SYNE2: variants seen among roughly 807,000 people sequenced by gnomAD.
SYNE2 encodes the protein spectrin repeat containing nuclear envelope protein 2.
In SYNE2, 431 loss-of-function variants were observed where a neutral mutation model predicts 856.3. The ratio of observed to expected loss-of-function variants is 0.50; its 90% CI spans 0.47 to 0.55. SYNE2 has a LOEUF of 0.55. SYNE2 is among the 20% of genes least tolerant of loss of function. The pLI, the probability that SYNE2 is intolerant of heterozygous loss-of-function variation, is 0.00. For missense variants in SYNE2, 8,129 were observed against 8,023.2 expected, an observed-to-expected ratio of 1.01 and a Z score of -0.50; for synonymous variants, 2,923 against 2,872.3, an observed-to-expected ratio of 1.02 and a Z score of -0.56.
At chr14:63,990,693 A>G in intron 20 of SYNE2, 124 bp downstream of exon 20, 2 of 895,384 alleles carry the variant, frequency 2.2e-6, no homozygotes, top group Non-Finnish European at 3.5e-6. Context: ...TTACTTTTGC[A>G]TTATGTTTTA....
At chr14:64,107,379 T>C (rs2097778377) in intron 64 of SYNE2, 112 bp from the exon 65 acceptor site, 2 of 937,330 alleles carry the variant, frequency 2.1e-6, no homozygotes, top group South Asian at 1.3e-5. Context: ...GACTTCTCCA[T>C]ATCTGACTTT....
intron 32 of SYNE2, among the ~76,000 whole-genome samples, chr14:64,014,974 T>TATATACACAC (rs1434593932): frequency 3.5e-5 from 3 of 84,894 alleles, no homozygotes; most frequent in African/African-American, 1.3e-4. Flanking sequence ...TATATATATA[T>TATATACACAC]ACACACACAC....
In SYNE2 at chr14:63,885,622, G is replaced by T. The variant is rs542789653; in HGVS notation, c.-51-23476G>T. On this transcript the variant is annotated intron_variant, in intron 1 of 115. Transcript: ENST00000555002. ...TTTAATTTCGATATATTTTTTTTGA[G>T]ACAGGGTTTTGCTCTGTCACCTAGG... Among the ~76,000 whole-genome samples the T allele has an allele frequency of 4.6e-5, 7 of 152,140 alleles. No homozygotes were observed. In the South Asian group the frequency reaches 1.5e-3, roughly 32 times the overall value.
chr14:64,098,661 A>G, intron 62 of SYNE2, 86 bp from the exon 63 acceptor site: 5 of 1,395,522 alleles, frequency 3.6e-6, no homozygotes, highest in Non-Finnish European at 5.0e-6. Context: ...GTAAAAAATT[A>G]GCTACATAAA....
At chr14:63,888,759 CTTG>C (rs1185714225) in intron 1 of SYNE2, among the ~76,000 whole-genome samples, 8 of 152,246 alleles carry the variant, frequency 5.3e-5, no homozygotes, top group African/African-American at 1.4e-4. Flanking sequence ...GAGACTAATC[CTTG>C]TTGTTCTTTT....
At chr14:63,859,152 C>A (rs1170991012) in intron 1 of SYNE2, among the ~76,000 whole-genome samples, 1 of 152,140 alleles carries the variant, frequency 6.6e-6, no homozygotes, top group Non-Finnish European at 1.5e-5. Context: ...CTGCTAGATA[C>A]CCTACAGTGG....
At chr14:64,219,080 A>G in intron 109 of SYNE2, 128 bp from the exon 110 acceptor site, 1 of 859,494 alleles carries the variant, frequency 1.2e-6, no homozygotes. Context: ...CCCTTCTGTC[A>G]GGGGAATCCC....
At chr14:64,209,265 C>T in intron 101 of SYNE2, 163 bp from the exon 102 acceptor site, 1 of 1,231,520 alleles carries the variant, frequency 8.1e-7, no homozygotes, top group South Asian at 1.4e-5. Flanking sequence ...GCTTGGCGCT[C>T]CCAGGCAGGA....
At chr14:64,165,493 A>G in intron 90 of SYNE2, 83 bp downstream of exon 90, 1 of 1,454,880 alleles carries the variant, frequency 6.9e-7, no homozygotes, top group Non-Finnish European at 9.6e-7. Context: ...GAACTTATGG[A>G]ATGCTTGCAT....
intron 17 of SYNE2, 50 bp downstream of exon 17, chr14:63,982,844 C>A: frequency 6.4e-7 from 1 of 1,570,510 alleles, no homozygotes; most frequent in Non-Finnish European, 8.7e-7. Flanking sequence ...ATTCATGTAC[C>A]ACACAATTTA....
At chr14:64,183,160 G>A (rs1299045544) in intron 96 of SYNE2, among the ~76,000 whole-genome samples, 3 of 150,872 alleles carry the variant, frequency 2.0e-5, no homozygotes, top group Admixed American at 1.3e-4. Context: ...CTTCTCGGAC[G>A]GGGCGACTGC....
At chr14:64,185,757 G>A (rs148215588) in intron 96 of SYNE2, among the ~76,000 whole-genome samples, 1,639 of 152,250 alleles carry the variant, frequency 0.011, 14 homozygotes, top group Middle Eastern at 0.041. Context: ...CTGACCTCAG[G>A]TGATCCGTCC....
intron 99 of SYNE2, among the ~76,000 whole-genome samples, chr14:64,201,788 G>T (rs1244918899): frequency 2.0e-5 from 3 of 152,114 alleles, no homozygotes; most frequent in Non-Finnish European, 4.4e-5. Flanking sequence ...CAGCTATGGG[G>T]TGCAGTTCTG....
chr14:64,186,762 C>G (rs2098493460), intron 97 of SYNE2, among the ~76,000 whole-genome samples, 183 bp downstream of exon 97: 1 of 152,248 alleles, frequency 6.6e-6, no homozygotes, highest in Non-Finnish European at 1.5e-5. Flanking sequence ...CCTTTTGTTT[C>G]TCCAGCACTA....
chr14:63,806,035 A>G lies in SYNE2; in HGVS notation c.-305+44049A>G, dbSNP rs554103718. Among the ~76,000 whole-genome samples the G allele has an allele frequency of 3.9e-5, 6 of 152,200 alleles. No homozygotes were observed. The South Asian group carries it at 1.2e-3, about 32-fold the overall frequency. ...GTACTATGCTGAATAGGATGATGAG[A>G]GTGGGCATCTTTTGCTTGTTCCAGT... is the stretch of plus-strand genomic sequence containing the variant. On this transcript the variant is annotated intron_variant, in intron 1 of 23. Coordinates refer to the SYNE2 transcript ENST00000674003.
intron 100 of SYNE2, among the ~76,000 whole-genome samples, chr14:64,206,051 G>A (rs952563664): frequency 6.6e-6 from 1 of 152,114 alleles, no homozygotes; most frequent in Admixed American, 6.5e-5. Context: ...TTTTCAGCCT[G>A]TTTTTCTTCT....
chr14:64,034,511 G>T, intron 45 of SYNE2: 1 of 514,402 alleles, frequency 1.9e-6, no homozygotes, highest in Non-Finnish European at 3.6e-6. Flanking sequence ...TTGAAAATGT[G>T]ATGGCAGTTT....
intron 19 of SYNE2, among the ~76,000 whole-genome samples, chr14:63,987,002 C>A (rs1488038972): frequency 6.6e-6 from 1 of 152,100 alleles, no homozygotes; most frequent in African/African-American, 2.4e-5. Context: ...ACCTGCAATC[C>A]CAGCACTTTG....
In SYNE2 at chr14:63,815,205, CATATATATATCCATATATATATCCAT is replaced by C. The variant is rs1324235061; in HGVS notation, c.-304-37287_-304-37262del. Among the ~76,000 whole-genome samples, 4 of 94,612 alleles carry C rather than the reference CATATATATATCCATATATATATCCAT, an allele frequency of 4.2e-5. 1 individual carries two copies. Among genetic ancestry groups the C allele is most frequent in the South Asian group, 7.2e-4 (2 of 2,788 alleles). The allele number at this position is 94,612 out of a possible 152,430, so 62.1% of individuals were successfully genotyped here. ...CCATATATATATCCATATATATATCCATATATATATCCATATATATATCCATATATATATGGATATATATATATATA... is the reference window on the plus strand; with the variant it reads ...CCATATATATATCCATATATATATCCATATATATGGATATATATATATATA... On this transcript the variant is annotated intron_variant, in intron 1 of 23. Coordinates refer to the SYNE2 transcript ENST00000674003.
Sources: allele counts gnomAD v4.1 joint callset (sites outside exome capture counted in the v4.1 genomes callset), GRCh38; gene constraint gnomAD v4.1.1; transcripts MANE v1.5; gene names NCBI Gene and HGNC (gene_info 2026-07-23, HGNC 2026-07-21).